Variants in TNIK observed in about 807,000 individuals in gnomAD.
TNIK encodes TRAF2 and NCK-interacting protein kinase.
TNIK carries 49 observed loss-of-function variants against 191.3 expected under a neutral mutation model. The ratio of observed to expected loss-of-function variants is 0.26; its 90% CI spans 0.20 to 0.32. The LOEUF is 0.32. Among genes scored for constraint, TNIK ranks in the 10% least tolerant of loss-of-function variants. The pLI is 1.00. For synonymous variants in TNIK, 594 were observed against 600.9 expected, an observed-to-expected ratio of 0.99 and a Z score of 0.17; for missense variants, 1,155 against 1,702.3, an observed-to-expected ratio of 0.68 and a Z score of 5.66.
intron 1 of TNIK, among the ~76,000 whole-genome samples, chr3:171,458,828 CT>C (rs1729067529): frequency 6.6e-6 from 1 of 152,152 alleles, no homozygotes; most frequent in Non-Finnish European, 1.5e-5. Flanking sequence ...CACTCGCTTT[CT>C]TTTTAATTTT....
intron 2 of TNIK, among the ~76,000 whole-genome samples, chr3:171,264,095 CACACACACACACACACATATATAT>C (rs1333572108): frequency 2.2e-4 from 20 of 90,044 alleles, no homozygotes; most frequent in African/African-American, 7.1e-4. Context: ...CACACACACA[CACACACACACACACACATATATAT>C]ATATATATAT....
At chr3:171,138,780 A>G (rs987627077) in intron 14 of TNIK, among the ~76,000 whole-genome samples, 3 of 152,184 alleles carry the variant, frequency 2.0e-5, no homozygotes, top group East Asian at 3.9e-4. Context: ...ACAATTAAGT[A>G]CAAACTAAGC....
At chr3:171,451,199 T>C (rs6808891) in intron 1 of TNIK, among the ~76,000 whole-genome samples, 2,947 of 152,308 alleles carry the variant, frequency 0.019, 65 homozygotes, top group African/African-American at 0.056. Context: ...ATAAAAGACA[T>C]AGTGGCTTCT....
intron 10 of TNIK, among the ~76,000 whole-genome samples, chr3:171,161,929 A>T (rs933752250): frequency 1.3e-5 from 2 of 151,942 alleles, no homozygotes; most frequent in African/African-American, 4.8e-5. Context: ...CAAAATAATA[A>T]TATAATAATA....
At chr3:171,253,804 A>G (rs1282934655) in intron 2 of TNIK, among the ~76,000 whole-genome samples, 1 of 152,196 alleles carries the variant, frequency 6.6e-6, no homozygotes, top group Non-Finnish European at 1.5e-5. Context: ...AACTCACAAA[A>G]TTAAGTTAAA....
rs1241229119 is a variant in TNIK, at chr3:171,063,704, A to G, written c.*177T>C. 1 of 537,192 alleles carries G rather than the reference A, an allele frequency of 1.9e-6. No individual in the cohort carries two copies. The highest frequency in any genetic ancestry group is 3.2e-6 in the Non-Finnish European group (1 of 312,196). The allele number at this position is 537,192 out of a possible 1,614,324, so 33.3% of individuals were successfully genotyped here. A position where few individuals can be genotyped will look rare whatever the true frequency, so the allele number is the denominator to read the frequency against. On this transcript the variant is annotated 3_prime_UTR_variant, in exon 33 of 33. Coordinates refer to ENST00000436636, the MANE Select transcript of TNIK (RefSeq NM_015028.4). ...CCACCTTTTTCTCTCCTTCTCAACC[A>G]GGCTGCAACATTGAAAGATGGACTG...
chr3:171,125,297 G>A (rs1728318552), intron 17 of TNIK, among the ~76,000 whole-genome samples: 1 of 152,122 alleles, frequency 6.6e-6, no homozygotes. Context: ...GTAATGACTT[G>A]GTATAGGAAA....
chr3:171,360,010 G>A (rs780381135), intron 2 of TNIK, among the ~76,000 whole-genome samples: 24 of 152,350 alleles, frequency 1.6e-4, no homozygotes, highest in Non-Finnish European at 2.5e-4. Context: ...TGTGCATCAA[G>A]TTATTTGGCA....
At chr3:171,326,449 C>A (rs1362813241) in intron 2 of TNIK, among the ~76,000 whole-genome samples, 2 of 147,182 alleles carry the variant, frequency 1.4e-5, no homozygotes, top group African/African-American at 4.9e-5. Flanking sequence ...CCTTCTCCCA[C>A]AAGAAAAAAA....
Position 171,138,413 on chromosome 3 carries a change from G to T in TNIK, c.1420-34C>A, listed in dbSNP as rs368563220. The T allele has an allele frequency of 8.0e-4, 1,188 of 1,477,100 alleles. 5 individuals carry two copies. The highest frequency in any genetic ancestry group is 5.3e-4 in the Non-Finnish European group (585 of 1,113,860). 91.5% of individuals were successfully genotyped at this position (1,477,100 alleles called of 1,614,324 possible). The stretch of plus-strand genomic sequence containing the variant: ...ATCAGGAAAGAGGAGCAAAGAAAAG[G>T]CCAAATTATCACATAGAAATCATCG... On this transcript the variant is annotated intron_variant, in intron 14 of 32. Coordinates refer to ENST00000436636, the MANE Select transcript of TNIK (RefSeq NM_015028.4).
intron 2 of TNIK, among the ~76,000 whole-genome samples, chr3:171,342,070 A>G (rs1436664237): frequency 6.6e-6 from 1 of 152,236 alleles, no homozygotes; most frequent in African/African-American, 2.4e-5. Flanking sequence ...AAATATAACC[A>G]AAAGATCCAT....
chr3:171,090,510 C>T (rs998926927), intron 23 of TNIK, among the ~76,000 whole-genome samples: 3 of 149,620 alleles, frequency 2.0e-5, no homozygotes, highest in African/African-American at 4.9e-5. Context: ...TGATGACAAG[C>T]TAGTGTTCTG....
intron 1 of TNIK, among the ~76,000 whole-genome samples, chr3:171,401,227 T>C (rs1451771903): frequency 6.6e-6 from 1 of 152,150 alleles, no homozygotes; most frequent in Non-Finnish European, 1.5e-5. Flanking sequence ...CTTTGTCTTC[T>C]GGAACCTGAC....
chr3:171,424,291 T>C (rs912677548), intron 1 of TNIK, among the ~76,000 whole-genome samples: 1 of 152,196 alleles, frequency 6.6e-6, no homozygotes, highest in Non-Finnish European at 1.5e-5. Flanking sequence ...AGATACCATC[T>C]GACACCAGTT....
rs546164907 is a variant in TNIK, at chr3:171,195,571, C to A, written c.307-936G>T. ...CAAATCTACATTCCTGATATCAGCACTATGTTTCCAGGTCCTAAAAGATAC... is the reference window on the plus strand; with the variant it reads ...CAAATCTACATTCCTGATATCAGCAATATGTTTCCAGGTCCTAAAAGATAC... On this transcript the variant is annotated intron_variant, in intron 4 of 32. Transcript: ENST00000436636. 2.0e-5 allele frequency among the ~76,000 whole-genome samples: 3 copies of A among 151,382 alleles called. No individual in the cohort carries two copies. The South Asian group carries it at 6.4e-4, about 32-fold the overall frequency.
chr3:171,110,396 C>T (rs1343383266), intron 19 of TNIK, among the ~76,000 whole-genome samples: 4 of 152,194 alleles, frequency 2.6e-5, no homozygotes, highest in South Asian at 2.1e-4. Flanking sequence ...CTCTAAAAAC[C>T]GGCAATCAAA....
At chr3:171,357,374 C>A (rs1714247692) in intron 2 of TNIK, among the ~76,000 whole-genome samples, 1 of 151,638 alleles carries the variant, frequency 6.6e-6, no homozygotes. Context: ...TTGCAACCTC[C>A]ATCTCCCAGG....
chr3:171,293,561 T>A (rs1409112889), intron 2 of TNIK, among the ~76,000 whole-genome samples: 1 of 152,260 alleles, frequency 6.6e-6, no homozygotes, highest in Non-Finnish European at 1.5e-5. Context: ...CTTTGACACC[T>A]TTCTAATAGT....
At chr3:171,182,434 G>T (rs1422335320) in intron 7 of TNIK, among the ~76,000 whole-genome samples, 2 of 152,068 alleles carry the variant, frequency 1.3e-5, no homozygotes, top group Non-Finnish European at 2.9e-5. Flanking sequence ...AAGGGAAGAT[G>T]GAAGAACAAG....
Sources: gnomAD v4.1 joint callset for allele counts (sites outside exome capture counted in the v4.1 genomes callset) on GRCh38, gnomAD v4.1.1 for gene constraint, MANE v1.5 for transcripts, NCBI Gene and HGNC (gene_info 2026-07-23, HGNC 2026-07-21) for gene names.